Variants in GGT7 observed in about 807,000 individuals in gnomAD.
GGT7 encodes the protein gamma-glutamyltransferase 7.
A neutral mutation model predicts 69.2 loss-of-function variants in GGT7; 30 were observed. That is an observed-to-expected ratio of 0.43 (90% confidence interval 0.32 to 0.59). The LOEUF (loss-of-function observed/expected upper bound fraction) is 0.59, where lower values mean the gene tolerates loss of function less well. Among genes scored for constraint, GGT7 ranks in the 20% least tolerant of loss-of-function variants. GGT7 has a pLI of 0.05. For synonymous variants in GGT7, 388 were observed against 391.8 expected, an observed-to-expected ratio of 0.99 and a Z score of 0.12; for missense variants, 733 against 901.1, an observed-to-expected ratio of 0.81 and a Z score of 2.39.
At chr20:34,865,761 G>A (rs896407642) in intron 1 of GGT7, among the ~76,000 whole-genome samples, 1 of 152,166 alleles carries the variant, frequency 6.6e-6, no homozygotes, top group African/African-American at 2.4e-5. Flanking sequence ...ACCTTGACCA[G>A]GGCTGAGACC....
intron 10 of GGT7, 112 bp from the exon 11 acceptor site, chr20:34,852,650 G>A: frequency 1.0e-6 from 1 of 962,862 alleles, no homozygotes; most frequent in Non-Finnish European, 1.5e-6. Flanking sequence ...CTCCCTCACT[G>A]GACTACTAGG....
chr20:34,869,768 T>C (rs1264098589), intron 1 of GGT7, among the ~76,000 whole-genome samples: 2 of 152,034 alleles, frequency 1.3e-5, no homozygotes, highest in African/African-American at 2.4e-5. Flanking sequence ...GCAGTGTCAT[T>C]AATGGAGAAT....
At chr20:34,869,480 A>G (rs1034228190) in intron 1 of GGT7, among the ~76,000 whole-genome samples, 1 of 152,174 alleles carries the variant, frequency 6.6e-6, no homozygotes, top group Non-Finnish European at 1.5e-5. Context: ...CAGAATCACC[A>G]AAGATGTCTG....
At chr20:34,858,906 C>G (rs2079536756) in intron 7 of GGT7, among the ~76,000 whole-genome samples, 1 of 152,200 alleles carries the variant, frequency 6.6e-6, no homozygotes, top group Non-Finnish European at 1.5e-5. Flanking sequence ...CATGGGGGCT[C>G]ACACCTGTAA....
intron 13 of GGT7, 186 bp from the exon 14 acceptor site, chr20:34,850,246 G>A (rs2079367409): frequency 5.2e-6 from 4 of 762,180 alleles, no homozygotes; most frequent in Non-Finnish European, 9.6e-6. Flanking sequence ...CACAGAGAGG[G>A]AAAGTGAAGT....
rs767781765 is a variant in GGT7 at position 34,845,328 on chromosome 20, C to T, written c.1989G>A (p.Ter663=). ...AGAGACCCCGCCCCACCCCGCTGCT[C>T]TACAGGATGGTGGCTCCAGCTGCAT... ...SPDAAGATIL[*] is the part of the protein sequence containing the mutation. The change falls in exon 15 of 15, where the codon TAG becomes TAA. Residue 663 remains the stop codon, a stop_retained_variant. Coordinates refer to ENST00000336431, the MANE Select transcript of GGT7 (RefSeq NM_178026.3). The T allele has an allele frequency of 1.9e-6, 3 of 1,613,066 alleles. No individual in the cohort carries two copies.
In GGT7 at chr20:34,852,499, G is replaced by T; in HGVS notation, c.1359C>A (p.Asp453Glu). The T allele has an allele frequency of 6.2e-7, 1 of 1,602,322 alleles. No individual in the cohort carries two copies. Among genetic ancestry groups the T allele is most frequent in the South Asian group, 1.1e-5 (1 of 89,616 alleles). ...EAAYLRGHIN[D>E]SQAAPAPLLP... ...GGAGTGGGGCAGGGGCTGCCTGGGA[G>T]TCATTGATATGGCCCCGGAGGTAGG... Residue 453 changes from aspartate (D) to glutamate (E), a missense_variant, in exon 11 of 15, where the codon GAC becomes GAA. Asp to Glu is a conservative substitution (Grantham distance 45). Transcript: ENST00000336431.
chr20:34,856,097 G>A (rs1163991412), intron 8 of GGT7, among the ~76,000 whole-genome samples: 1 of 152,170 alleles, frequency 6.6e-6, no homozygotes, highest in African/African-American at 2.4e-5. Context: ...CCAGCTGATA[G>A]GCTCTTTCCA....
In GGT7 at chr20:34,845,112, TCACCACCACCACCACCACCAC is replaced by T. The variant is rs79530197; in HGVS notation, c.*195_*215del. On this transcript the variant is annotated 3_prime_UTR_variant, in exon 15 of 15. Transcript: ENST00000336431. ...CTGGCTGTACTGTAGATGCTGACACTCACCACCACCACCACCACCACCACCACCACCACCACCACCACAGGC... is the reference window on the plus strand; with the variant it reads ...CTGGCTGTACTGTAGATGCTGACACTCACCACCACCACCACCACCACAGGC... The T allele has an allele frequency of 2.0e-4, 77 of 389,950 alleles. 5 individuals carry two copies. Among genetic ancestry groups the T allele is most frequent in the Admixed American group, 1.3e-3 (30 of 23,030 alleles). The allele number at this position is 389,950 out of a possible 1,614,324, so 24.2% of individuals were successfully genotyped here. A position where few individuals can be genotyped will look rare whatever the true frequency, so the allele number is the denominator to read the frequency against.
At chr20:34,864,291 T>C (rs772264723) in intron 1 of GGT7, among the ~76,000 whole-genome samples, 1 of 151,950 alleles carries the variant, frequency 6.6e-6, no homozygotes, top group Non-Finnish European at 1.5e-5. Flanking sequence ...GTGTGTGGAA[T>C]GTTCTGGAAA....
intron 13 of GGT7, 118 bp downstream of exon 13, chr20:34,851,113 C>T: frequency 7.6e-7 from 1 of 1,323,838 alleles, no homozygotes; most frequent in South Asian, 1.2e-5. Flanking sequence ...ACAAAACAGC[C>T]TCAGCCCATG....
intron 4 of GGT7, among the ~76,000 whole-genome samples, chr20:34,860,590 C>G (rs543479252): frequency 6.6e-6 from 1 of 150,980 alleles, no homozygotes; most frequent in South Asian, 2.1e-4. Flanking sequence ...CAGGACATAA[C>G]CAGTGTAGAA....
chr20:34,856,396 G>A (rs567957231), intron 8 of GGT7, among the ~76,000 whole-genome samples: 7 of 152,272 alleles, frequency 4.6e-5, no homozygotes, highest in African/African-American at 1.7e-4. Flanking sequence ...GCACTATGAG[G>A]AGCTGGGTCT....
chr20:34,872,294 T>C (rs1371905480), intron 1 of GGT7: 5 of 184,856 alleles, frequency 2.7e-5, no homozygotes, highest in Non-Finnish European at 4.4e-5. Context: ...ACTTGGTTTC[T>C]CCTATCCTGT....
At chr20:34,866,736 C>T (rs536045614) in intron 1 of GGT7, among the ~76,000 whole-genome samples, 12 of 152,154 alleles carry the variant, frequency 7.9e-5, no homozygotes, top group East Asian at 5.8e-4. Flanking sequence ...CATGCCACCA[C>T]GCCTAGCTAA....
intron 1 of GGT7, among the ~76,000 whole-genome samples, chr20:34,869,661 C>T (rs2079749259): frequency 1.3e-5 from 2 of 152,042 alleles, no homozygotes; most frequent in African/African-American, 2.4e-5. Flanking sequence ...TTGGAAGATA[C>T]TTAGGAGGGG....
chr20:34,850,715 C>T, intron 13 of GGT7: 1 of 395,072 alleles, frequency 2.5e-6, no homozygotes, highest in Non-Finnish European at 5.1e-6. Flanking sequence ...CACACAGTTA[C>T]AAATTGGTAG....
chr20:34,861,678 G>T, intron 3 of GGT7, 116 bp from the exon 4 acceptor site: 2 of 593,364 alleles, frequency 3.4e-6, no homozygotes, highest in Non-Finnish European at 5.4e-6. Context: ...TTCATTTGGG[G>T]TCAGGTGTCT....
intron 4 of GGT7, among the ~76,000 whole-genome samples, chr20:34,860,997 G>A (rs1439489126): frequency 6.6e-6 from 1 of 152,194 alleles, no homozygotes; most frequent in East Asian, 1.9e-4. Flanking sequence ...ACTCAGGGGT[G>A]TGTTTGGCTT....
Sources: gnomAD v4.1 joint callset for allele counts (sites outside exome capture counted in the v4.1 genomes callset) on GRCh38, gnomAD v4.1.1 for gene constraint, MANE v1.5 for transcripts, NCBI Gene and HGNC (gene_info 2026-07-23, HGNC 2026-07-21) for gene names.